KATNAL2: variants seen among roughly 807,000 people sequenced by gnomAD.
The protein encoded by KATNAL2 is katanin p60 ATPase-containing subunit A-like 2.
A neutral mutation model predicts 76.3 loss-of-function variants in KATNAL2; 52 were observed. The observed-to-expected ratio is 0.68, with a 90% CI of 0.55 to 0.86. KATNAL2 has a LOEUF of 0.86. KATNAL2 is among the 40% of genes least tolerant of loss of function. KATNAL2 has a pLI of 0.00. For synonymous variants in KATNAL2, 243 were observed against 244.2 expected (o/e 1.00, Z 0.05); for missense variants, 660 against 668.9 (o/e 0.99, Z 0.15).
At chr18:47,033,273 G>C in intron 3 of KATNAL2, 1 of 1,613,504 alleles carries the variant, frequency 6.2e-7, no homozygotes, top group Non-Finnish European at 8.5e-7. Flanking sequence ...CGGGGTCAGC[G>C]TCTCCTGCAG....
chr18:47,094,644 T>C (rs2063150270), intron 15 of KATNAL2, among the ~76,000 whole-genome samples: 1 of 152,246 alleles, frequency 6.6e-6, no homozygotes, highest in African/African-American at 2.4e-5. Context: ...GTTACTGTGT[T>C]GGGGAACTCC....
intron 2 of KATNAL2, 101 bp from the exon 3 acceptor site, chr18:46,946,753 C>G (rs1018601704): frequency 8.3e-7 from 1 of 1,203,320 alleles, no homozygotes; most frequent in African/African-American, 1.5e-5. Flanking sequence ...GCGGGCGTGT[C>G]TGGGCTCTAG....
chr18:47,046,472 G>A lies in KATNAL2; in HGVS notation c.67G>A (p.Glu23Lys). 6.5e-7 allele frequency: 1 copy of A among 1,535,970 alleles called. No homozygotes were observed. Among genetic ancestry groups the A allele is most frequent in the South Asian group, 1.2e-5 (1 of 84,046 alleles). ...TCTGTTCCAGTGCGAGATGAGGACAGAAGCACGACGAAAAAATCTTCTCAT... is the reference window on the plus strand; with the variant it reads ...TCTGTTCCAGTGCGAGATGAGGACAAAAGCACGACGAAAAAATCTTCTCAT... ...QAREACEMRTEARRKNLLILI... is the reference protein window; with the variant it reads ...QAREACEMRTKARRKNLLILI... Residue 23 changes from glutamate (E) to lysine (K), a missense_variant, in exon 4 of 18, where the codon GAA becomes AAA. Coordinates refer to ENST00000683218, the MANE Select transcript of KATNAL2 (RefSeq NM_001387690.1).
intron 1 of KATNAL2, among the ~76,000 whole-genome samples, chr18:46,928,677 G>C (rs1324137234): frequency 6.6e-6 from 1 of 152,100 alleles, no homozygotes; most frequent in East Asian, 1.9e-4. Flanking sequence ...GACCGGAGCT[G>C]TTCCTATTTG....
intron 3 of KATNAL2, among the ~76,000 whole-genome samples, chr18:46,950,649 C>T (rs767938555): frequency 9.9e-5 from 15 of 152,242 alleles, no homozygotes; most frequent in Middle Eastern, 3.4e-3. Flanking sequence ...GCAACTGCTT[C>T]GACTTGTAGC....
In KATNAL2 at chr18:47,033,988, G is replaced by C. The variant is rs779458997; in HGVS notation, c.52-12469G>C. On this transcript the variant is annotated intron_variant, in intron 3 of 17. Transcript: ENST00000683218. The stretch of plus-strand genomic sequence containing the variant: ...CTGGACAGGAGGCAATTTCTTAGCC[G>C]AATCCCAGGACTCACGAGTGCCCTT... 10 of 1,613,566 alleles carry C rather than the reference G, an allele frequency of 6.2e-6. No individual in the cohort carries two copies. Among genetic ancestry groups the C allele is most frequent in the Non-Finnish European group, 8.5e-6 (10 of 1,180,040 alleles).
At chr18:47,038,603 C>T (rs1186385953) in intron 3 of KATNAL2, among the ~76,000 whole-genome samples, 2 of 152,090 alleles carry the variant, frequency 1.3e-5, no homozygotes, top group African/African-American at 4.8e-5. Flanking sequence ...ATTTGCTCTG[C>T]AAAAGGGTTG....
At chr18:46,961,245 C>T (rs1437964813) in intron 3 of KATNAL2, among the ~76,000 whole-genome samples, 1 of 151,972 alleles carries the variant, frequency 6.6e-6, no homozygotes, top group South Asian at 2.1e-4. Context: ...TTCGCTTTCT[C>T]CCTTTCCTCA....
At chr18:47,061,877 G>A (rs201288502) in intron 8 of KATNAL2, among the ~76,000 whole-genome samples, 3 of 150,558 alleles carry the variant, frequency 2.0e-5, no homozygotes, top group Non-Finnish European at 4.4e-5. Context: ...TTTTTTTTTG[G>A]TGCATCCTTG....
chr18:46,962,307 T>C (rs879598346), intron 3 of KATNAL2, among the ~76,000 whole-genome samples: 8,443 of 124,194 alleles, frequency 0.068, 939 homozygotes, highest in African/African-American at 0.21. Flanking sequence ...GCCTTTTCCC[T>C]AAAAGAAAAC....
intron 1 of KATNAL2, among the ~76,000 whole-genome samples, chr18:46,941,798 G>A (rs1289714839): frequency 2.6e-5 from 4 of 152,144 alleles, no homozygotes. Context: ...TTTTGGTGTG[G>A]CAAAAGGAAT....
chr18:47,035,307 C>A, intron 3 of KATNAL2: 1 of 1,611,444 alleles, frequency 6.2e-7, no homozygotes, highest in Non-Finnish European at 8.5e-7. Flanking sequence ...GCGGTCGCAG[C>A]TCTGTCTTTG....
At chr18:47,081,442 G>A (rs1568009492) in intron 15 of KATNAL2, among the ~76,000 whole-genome samples, 1 of 152,192 alleles carries the variant, frequency 6.6e-6, no homozygotes, top group Non-Finnish European at 1.5e-5. Context: ...AAATTAGTGT[G>A]ATATTGTAGT....
At chr18:47,059,235 C>A (rs1178636949) in intron 7 of KATNAL2, among the ~76,000 whole-genome samples, 1 of 152,128 alleles carries the variant, frequency 6.6e-6, no homozygotes, top group Non-Finnish European at 1.5e-5. Context: ...GCCAAAAACA[C>A]CCCTGATCAC....
At chr18:47,065,335 C>G (rs546111726) in intron 10 of KATNAL2, among the ~76,000 whole-genome samples, 92 of 151,762 alleles carry the variant, frequency 6.1e-4, no homozygotes, top group African/African-American at 2.2e-3. Context: ...GGAGACCAGC[C>G]TGGGCAACAT....
chr18:47,096,633 C>G (rs1362639766), intron 15 of KATNAL2, among the ~76,000 whole-genome samples: 2 of 152,178 alleles, frequency 1.3e-5, no homozygotes, highest in Non-Finnish European at 2.9e-5. Context: ...CATTGTTACT[C>G]TTTATCAATG....
chr18:46,954,522 G>A (rs745412179), intron 3 of KATNAL2, among the ~76,000 whole-genome samples: 2 of 151,450 alleles, frequency 1.3e-5, no homozygotes, highest in Admixed American at 1.3e-4. Flanking sequence ...GTACAGACAG[G>A]GTTTCACCAT....
At chr18:47,100,490 A>G in intron 17 of KATNAL2, 134 bp downstream of exon 17, 1 of 683,740 alleles carries the variant, frequency 1.5e-6, no homozygotes. Flanking sequence ...ATCATCCCTC[A>G]CTCAACTCAT....
intron 3 of KATNAL2, among the ~76,000 whole-genome samples, chr18:46,958,729 A>C (rs953487935): frequency 7.2e-5 from 11 of 152,234 alleles, no homozygotes; most frequent in Non-Finnish European, 1.6e-4. Context: ...ATCCTCTATA[A>C]TGCTCTAAGG....
Sources: gnomAD v4.1 joint callset for allele counts (sites outside exome capture counted in the v4.1 genomes callset) on GRCh38, gnomAD v4.1.1 for gene constraint, MANE v1.5 for transcripts, NCBI Gene and HGNC (gene_info 2026-07-23, HGNC 2026-07-21) for gene names.